SLC6A17: variants seen among roughly 807,000 people sequenced by gnomAD.
SLC6A17 encodes sodium-dependent neutral amino acid transporter SLC6A17.
SLC6A17 carries 21 observed loss-of-function variants against 64.5 expected under a neutral mutation model. That is an observed-to-expected ratio of 0.33 (90% confidence interval 0.23 to 0.47). SLC6A17 has a LOEUF of 0.47. Ranked by LOEUF, SLC6A17 falls within the 20% of genes least tolerant of loss-of-function variation. The pLI, the probability that SLC6A17 is intolerant of heterozygous loss-of-function variation, is 1.00. For synonymous variants in SLC6A17, 372 were observed against 399.5 expected, an observed-to-expected ratio of 0.93 and a Z score of 0.82; for missense variants, 682 against 963.2, an observed-to-expected ratio of 0.71 and a Z score of 3.86.
chr1:110,175,505 G>C (rs1656351904), intron 5 of SLC6A17, among the ~76,000 whole-genome samples: 1 of 152,290 alleles, frequency 6.6e-6, no homozygotes, highest in Admixed American at 6.5e-5. Flanking sequence ...CTTTAAATAA[G>C]GGCCCTTTCT....
At chr1:110,171,961 A>C in intron 2 of SLC6A17, 99 bp from the exon 3 acceptor site, 84 of 1,452,268 alleles carry the variant, frequency 5.8e-5, no homozygotes, top group Non-Finnish European at 7.6e-5. Flanking sequence ...GCGGATGACC[A>C]GAGATGTGGC....
At chr1:110,193,172 T>A (rs1307032855) in intron 8 of SLC6A17, among the ~76,000 whole-genome samples, 1 of 152,196 alleles carries the variant, frequency 6.6e-6, no homozygotes, top group East Asian at 1.9e-4. Context: ...GATGGGGGGC[T>A]TGATCAAGGT....
intron 9 of SLC6A17, 90 bp from the exon 10 acceptor site, chr1:110,195,496 T>G (rs1450665876): frequency 6.7e-7 from 1 of 1,502,122 alleles, no homozygotes; most frequent in Non-Finnish European, 9.1e-7. Context: ...GGGAGGGATG[T>G]GATGGGAGGG....
chr1:110,196,591 G>A (rs1241941597), intron 10 of SLC6A17, among the ~76,000 whole-genome samples: 2 of 152,212 alleles, frequency 1.3e-5, no homozygotes, highest in East Asian at 3.8e-4. Context: ...CGGCAGTCTG[G>A]TGATGTCCCT....
At chr1:110,165,267 G>A (rs1194395018) in intron 1 of SLC6A17, among the ~76,000 whole-genome samples, 6 of 152,186 alleles carry the variant, frequency 3.9e-5, no homozygotes, top group Non-Finnish European at 2.9e-5. Flanking sequence ...AGCCCTGGGG[G>A]GAGGCCCAGG....
rs866575347 is a variant in SLC6A17 at position 110,192,675 on chromosome 1, C to T, written c.1276C>T (p.Leu426Phe). 5 of 1,613,658 alleles carry T rather than the reference C, an allele frequency of 3.1e-6. No homozygotes were observed. The Middle Eastern group carries it at 5.0e-4, about 160-fold the overall frequency. Reference protein sequence around the residue: ...QFSALGLDPCLLEDELDKSVQ... With the variant: ...QFSALGLDPCFLEDELDKSVQ... ...CTCAGCCCTGGGCCTTGACCCCTGCCTTCTGGAGGACGAGCTGGACAAGGT... is the reference window on the plus strand; with the variant it reads ...CTCAGCCCTGGGCCTTGACCCCTGCTTTCTGGAGGACGAGCTGGACAAGGT... Residue 426 changes from leucine (L) to phenylalanine (F), a missense_variant, in exon 8 of 12, where the codon CTT becomes TTT. This residue lies in a region of SLC6A17 where 415 missense variants were observed against 603.8 expected (regional missense o/e 0.69). Coordinates refer to ENST00000331565, the MANE Select transcript of SLC6A17 (RefSeq NM_001010898.4). This position sits in a 1 kb window ranked among gnomAD's most constrained non-coding sequence, Gnocchi z 4.3.
intron 1 of SLC6A17, among the ~76,000 whole-genome samples, chr1:110,165,686 C>T (rs919700791): frequency 2.6e-5 from 4 of 152,210 alleles, no homozygotes; most frequent in East Asian, 1.9e-4. Context: ...GCAGGAAGGA[C>T]GGGCCTGGCC....
chr1:110,177,813 A>C (rs1204313383), intron 6 of SLC6A17: 3 of 152,308 alleles, frequency 2.0e-5, no homozygotes, highest in African/African-American at 7.2e-5. Context: ...CCCAGATCTG[A>C]TAGGGTTGGA....
intron 6 of SLC6A17, among the ~76,000 whole-genome samples, chr1:110,180,188 A>G (rs1656484916): frequency 6.6e-6 from 1 of 152,256 alleles, no homozygotes; most frequent in South Asian, 2.1e-4. Context: ...CACAGACTCC[A>G]CATCCCATGC....
rs1052042970 is a variant in SLC6A17 at position 110,200,215 on chromosome 1, C to T, written c.*1771C>T. Reference sequence around the variant, plus strand: ...CCCCCAAGCCTGGGAGCAGTCTATCCCCCAACCCTGCCATCTCCCTTACTC... The same window carrying T: ...CCCCCAAGCCTGGGAGCAGTCTATCTCCCAACCCTGCCATCTCCCTTACTC... On this transcript the variant is annotated 3_prime_UTR_variant, in exon 12 of 12. Coordinates refer to ENST00000331565, the MANE Select transcript of SLC6A17 (RefSeq NM_001010898.4). The T allele has an allele frequency of 5.3e-5, 21 of 397,750 alleles. No homozygotes were observed. Among genetic ancestry groups the T allele is most frequent in the African/African-American group, 3.9e-4 (19 of 48,638 alleles). 24.6% of individuals were successfully genotyped at this position (397,750 alleles called of 1,614,324 possible).
At chr1:110,169,528 C>T (rs1656159934) in intron 2 of SLC6A17, among the ~76,000 whole-genome samples, 1 of 152,150 alleles carries the variant, frequency 6.6e-6, no homozygotes. Context: ...AGAGGTCTGA[C>T]TTCGGGACCT....
chr1:110,172,284 G>T, intron 3 of SLC6A17, 67 bp downstream of exon 3: 1 of 1,507,998 alleles, frequency 6.6e-7, no homozygotes, highest in Admixed American at 2.0e-5. Context: ...TTGGAGACGA[G>T]GTCACCGAGT....
rs756555326 is a variant in SLC6A17 at position 110,195,564 on chromosome 1, C to G, written c.1493-22C>G. On this transcript the variant is annotated intron_variant, in intron 9 of 11. Coordinates refer to ENST00000331565, the MANE Select transcript of SLC6A17 (RefSeq NM_001010898.4). The stretch of plus-strand genomic sequence containing the variant: ...CCCACCCTGCACCTTTGCCCCCAAA[C>G]CGGCCTCCCGGCTCTCTGTAGTGGG... 3 of 1,612,966 alleles carry G rather than the reference C, an allele frequency of 1.9e-6. No homozygotes were observed. The Admixed American group carries it at 5.0e-5, about 27-fold the overall frequency.
Position 110,188,410 on chromosome 1 carries a change from T to C in SLC6A17, c.865-3562T>C, listed in dbSNP as rs539148075. 3.9e-5 allele frequency among the ~76,000 whole-genome samples: 6 copies of C among 152,362 alleles called. No individual in the cohort carries two copies. In the South Asian group the frequency reaches 1.0e-3, roughly 26 times the overall value. On this transcript the variant is annotated intron_variant, in intron 6 of 11. Coordinates refer to ENST00000331565, the MANE Select transcript of SLC6A17 (RefSeq NM_001010898.4). ...CACCTGGCTCTCCCATGCTCCGCTG[T>C]GGCTATTTTAAACCCTTCCAATCCT...
intron 6 of SLC6A17, 21 bp downstream of exon 6, chr1:110,176,760 C>T: frequency 6.9e-6 from 11 of 1,599,858 alleles, no homozygotes; most frequent in Non-Finnish European, 9.4e-6. Flanking sequence ...GGGGCTCCCA[C>T]ATGCCAGGGA....
chr1:110,173,996 TTA>T lies in SLC6A17; in HGVS notation c.471_472del (p.Tyr157Ter). On this transcript the variant is annotated frameshift_variant, in exon 4 of 12. Transcript: ENST00000331565. LOFTEE classifies it high-confidence loss of function. ...CIVCLFVGLYYNVIIGWSIFY... is the reference protein window; with the variant it reads ...CIVCLFVGLYXNVIIGWSIFY... ...AGGTCTGTCTCTTTGTGGGGCTGTA[TTA>T]TAATGTGATCATCGGGTGGAGCATC... The T allele has an allele frequency of 6.2e-7, 1 of 1,614,102 alleles. No homozygotes were observed. The highest frequency in any genetic ancestry group is 8.5e-7 in the Non-Finnish European group (1 of 1,179,990).
intron 6 of SLC6A17, among the ~76,000 whole-genome samples, chr1:110,182,732 C>G (rs1281032888): frequency 2.6e-5 from 4 of 151,800 alleles, no homozygotes; most frequent in African/African-American, 9.7e-5. Flanking sequence ...GCTGAGAGGT[C>G]AGGTGATGAG....
intron 6 of SLC6A17, among the ~76,000 whole-genome samples, chr1:110,188,382 G>A (rs1213747496): frequency 6.6e-6 from 1 of 152,208 alleles, no homozygotes; most frequent in African/African-American, 2.4e-5. Context: ...CTGTTTCTCT[G>A]GTCACCTGGC....
rs949199418 is a variant in SLC6A17 at position 110,202,134 on chromosome 1, T to C, written c.*3690T>C. 3.3e-5 allele frequency: 5 copies of C among 152,224 alleles called. No homozygotes were observed. Among genetic ancestry groups the C allele is most frequent in the African/African-American group, 1.2e-4 (5 of 41,416 alleles). 9.4% of individuals were successfully genotyped at this position (152,224 alleles called of 1,614,324 possible). ...TCAGCCCAGGGGAGGGGATGAGGCA[T>C]TGTCACCCTAGACCCCTCTTCCTCT... is the stretch of plus-strand genomic sequence containing the variant. On this transcript the variant is annotated 3_prime_UTR_variant, in exon 12 of 12. Coordinates refer to ENST00000331565, the MANE Select transcript of SLC6A17 (RefSeq NM_001010898.4).
Sources: allele counts gnomAD v4.1 joint callset (sites outside exome capture counted in the v4.1 genomes callset), GRCh38; gene constraint gnomAD v4.1.1; regional missense constraint gnomAD v4.1.1; non-coding constraint Gnocchi (gnomAD v3.1); transcripts MANE v1.5; gene names NCBI Gene and HGNC (gene_info 2026-07-23, HGNC 2026-07-21).